The following VWA5B2 variants were observed in gnomAD, a reference collection of about 807,000 sequenced individuals.
VWA5B2 encodes the protein von Willebrand factor A domain-containing protein 5B2.
VWA5B2 carries 93 observed loss-of-function variants against 118.5 expected under a neutral mutation model. The ratio of observed to expected loss-of-function variants is 0.79; its 90% CI spans 0.66 to 0.93. VWA5B2 has a LOEUF of 0.93. Ranked by LOEUF, VWA5B2 falls within the 40% of genes least tolerant of loss-of-function variation. The pLI, the probability that VWA5B2 is intolerant of heterozygous loss-of-function variation, is 0.00. For synonymous variants in VWA5B2, 708 were observed against 716.3 expected (o/e 0.99, Z 0.19); for missense variants, 1,546 against 1,672.8 (o/e 0.92, Z 1.32).
rs79692641 is a variant in VWA5B2, at chr3:184,236,119, C to T, written c.1102-33C>T. On this transcript the variant is annotated intron_variant, in intron 8 of 19. Coordinates refer to ENST00000691901, the MANE Select transcript of VWA5B2 (RefSeq NM_001390846.1). ...TGCTCTGTATCAGGGCCCATGGGGC[C>T]GGCCTCACGCCGCCCTCCCTGGCCC... 4,251 of 1,535,480 alleles carry T rather than the reference C, an allele frequency of 2.8e-3. 108 individuals are homozygous for T. The African/African-American group carries it at 0.052, about 19-fold the overall frequency.
intron 9 of VWA5B2, 34 bp from the exon 10 acceptor site, chr3:184,236,309 C>CT: frequency 6.4e-7 from 1 of 1,551,020 alleles, no homozygotes; most frequent in Non-Finnish European, 8.7e-7. Flanking sequence ...AGGTTTCAGC[C>CT]CAGTGCGTCC....
rs1033308397 is a variant in VWA5B2, at chr3:184,233,217, T to C, written c.350T>C (p.Leu117Ser). Reference sequence around the variant, plus strand: ...GATCTGGCCCAGGCCCGGTCCACGTTGGTGCTGCCCACAGGCATTATCGCC... The same window carrying C: ...GATCTGGCCCAGGCCCGGTCCACGTCGGTGCTGCCCACAGGCATTATCGCC... ...VLDLAQARST[L>S]VLPTGIIAAA... is the part of the protein sequence containing the mutation. The change falls in exon 4 of 20, where the codon TTG (leucine) becomes TCG (serine). Residue 117 changes from leucine to serine, a missense_variant. Transcript: ENST00000691901. The surrounding 1 kb of genome is among the most constrained non-coding windows in gnomAD (Gnocchi z 5.2). The C allele has an allele frequency of 5.2e-6, 8 of 1,550,858 alleles. No individual in the cohort carries two copies. Among genetic ancestry groups the C allele is most frequent in the Non-Finnish European group, 7.0e-6 (8 of 1,146,892 alleles).
intron 16 of VWA5B2, 103 bp downstream of exon 16, chr3:184,240,139 C>A: frequency 2.2e-6 from 2 of 926,872 alleles, no homozygotes; most frequent in Non-Finnish European, 1.5e-6. Context: ...GCTTTGATCA[C>A]AAAGGATTTG....
At position 184,233,748 on chromosome 3, in the gene VWA5B2, C is replaced by G; in HGVS notation, c.688+15C>G. ...CCTGCTTGCAGGTGGGTGCATCTGG[C>G]TGGCCTGCCCTCTTTTCAGATGCCC... On this transcript the variant is annotated intron_variant, in intron 5 of 19. Coordinates refer to ENST00000691901, the MANE Select transcript of VWA5B2 (RefSeq NM_001390846.1). The surrounding 1 kb of genome is among the most constrained non-coding windows in gnomAD (Gnocchi z 5.2). 6.5e-7 allele frequency: 1 copy of G among 1,548,828 alleles called. No homozygotes were observed. The highest frequency in any genetic ancestry group is 8.7e-7 in the Non-Finnish European group (1 of 1,146,428).
rs1312184458 is a variant in VWA5B2, at chr3:184,236,643, T to A, written c.1427T>A (p.Phe476Tyr). ...MRWHRGTARCFSFGLGPTCHQ... is the reference protein window; with the variant it reads ...MRWHRGTARCYSFGLGPTCHQ... ...TGCTTCCTTTCCTTCATCAGATGCTTCTCCTTTGGGCTGGGGCCCACCTGC... is the reference window on the plus strand; with the variant it reads ...TGCTTCCTTTCCTTCATCAGATGCTACTCCTTTGGGCTGGGGCCCACCTGC... The change falls in exon 11 of 20, where the codon TTC becomes TAC. Residue 476 changes from phenylalanine (F) to tyrosine (Y), a missense_variant. Transcript: ENST00000691901. 14 of 1,550,878 alleles carry A rather than the reference T, an allele frequency of 9.0e-6. No individual in the cohort carries two copies. The South Asian group carries it at 1.7e-4, about 18-fold the overall frequency.
Position 184,239,578 on chromosome 3 carries a change from A to T in VWA5B2, c.2387A>T (p.Asp796Val). Residue 796 changes from aspartate to valine, a missense_variant, in exon 15 of 20, where the codon GAC becomes GTC. Asp to Val is a radical substitution (Grantham distance 152, BLOSUM62 -3). Around this residue, in one of 3 missense-constraint regions of VWA5B2, gnomAD observed 763 missense variants for 766.6 expected, o/e 1.00. Coordinates refer to ENST00000691901, the MANE Select transcript of VWA5B2 (RefSeq NM_001390846.1). This position sits in a 1 kb window ranked among gnomAD's most constrained non-coding sequence, Gnocchi z 5.1. ...PGQQLGQGLD[D>V]SGNLLSPAPM... ...CAACAGTTGGGACAAGGCCTGGATGACTCAGGTAAGTGTTGGATGGGGAGC... is the reference window on the plus strand; with the variant it reads ...CAACAGTTGGGACAAGGCCTGGATGTCTCAGGTAAGTGTTGGATGGGGAGC... The T allele has an allele frequency of 6.6e-7, 1 of 1,519,782 alleles. No homozygotes were observed. Among genetic ancestry groups the T allele is most frequent in the Non-Finnish European group, 8.9e-7 (1 of 1,125,944 alleles). 94.1% of individuals were successfully genotyped at this position (1,519,782 alleles called of 1,614,324 possible).
rs781351154 is a variant in VWA5B2, at chr3:184,236,316, G to A, written c.1213-27G>A. On this transcript the variant is annotated intron_variant, in intron 9 of 19. Transcript: ENST00000691901. ...TTACAGAGAGGTTTCAGCCCAGTGC[G>A]TCCCAGCCTGTGCCTTCTCGCTCCA... The A allele has an allele frequency of 6.4e-5, 99 of 1,549,734 alleles. 1 individual carries two copies. In the South Asian group the frequency reaches 8.0e-4, roughly 12 times the overall value.
Position 184,233,912 on chromosome 3 carries a change from C to CA in VWA5B2, c.688+180dup. On this transcript the variant is annotated intron_variant, in intron 5 of 19. Transcript: ENST00000691901. This position sits in a 1 kb window ranked among gnomAD's most constrained non-coding sequence, Gnocchi z 5.2. ...CCCCTGGTCACCTCTACCCAACACA[C>CA]ACACCCCAATTTTATCAAGGTAATT... Among the ~76,000 whole-genome samples, 1 of 152,332 alleles carries CA rather than the reference C, an allele frequency of 6.6e-6. No homozygotes were observed. Among genetic ancestry groups the CA allele is most frequent in the East Asian group, 1.9e-4 (1 of 5,190 alleles).
rs748140356 is a variant in VWA5B2 at position 184,239,376 on chromosome 3, C to A, written c.2203-18C>A. On this transcript the variant is annotated intron_variant, in intron 14 of 19. Coordinates refer to ENST00000691901, the MANE Select transcript of VWA5B2 (RefSeq NM_001390846.1). This position sits in a 1 kb window ranked among gnomAD's most constrained non-coding sequence, Gnocchi z 5.1. ...GTTCTGCATTCCTTGACCAGTGGCC[C>A]CCATATCTCACATGCAGGTGGGGGC... 14 of 1,521,910 alleles carry A rather than the reference C, an allele frequency of 9.2e-6. No homozygotes were observed. Among genetic ancestry groups the A allele is most frequent in the Non-Finnish European group, 1.2e-5 (14 of 1,128,496 alleles). 94.3% of individuals were successfully genotyped at this position (1,521,910 alleles called of 1,614,324 possible). A position where few individuals can be genotyped will look rare whatever the true frequency, so the allele number is the denominator to read the frequency against.
rs1294194634 is a variant in VWA5B2 at position 184,238,760 on chromosome 3, G to A, written c.2089G>A (p.Gly697Ser). ...CTCACAGGGCCCTGGCTCCCCCGAA[G>A]GTAGTGCTCCCTTGGAGCCCCCTTC... ...PGSQGPGSPE[G>S]SAPLEPPSQQ... Residue 697 changes from glycine to serine, a missense_variant, in exon 14 of 20, where the codon GGT becomes AGT. Gly to Ser is a moderately conservative substitution (Grantham distance 56). This residue lies in a region of VWA5B2 where 763 missense variants were observed against 766.6 expected (regional missense o/e 1.00). Transcript: ENST00000691901. This position sits in a 1 kb window ranked among gnomAD's most constrained non-coding sequence, Gnocchi z 5.0. The A allele has an allele frequency of 6.4e-7, 1 of 1,550,686 alleles. No homozygotes were observed. The highest frequency in any genetic ancestry group is 8.7e-7 in the Non-Finnish European group (1 of 1,146,830).
At chr3:184,235,076 AG>A in intron 7 of VWA5B2, 76 bp from the exon 8 acceptor site, 1 of 1,493,604 alleles carries the variant, frequency 6.7e-7, no homozygotes, top group Non-Finnish European at 9.0e-7. Context: ...AAAAGGCCCC[AG>A]AGCCAGTCCC....
In VWA5B2 at chr3:184,241,788, C is replaced by G. The variant is rs1436148691; in HGVS notation, c.3479C>G (p.Thr1160Ser). The G allele has an allele frequency of 6.7e-7, 1 of 1,494,758 alleles. No homozygotes were observed. Among genetic ancestry groups the G allele is most frequent in the Middle Eastern group, 1.8e-4 (1 of 5,622 alleles). The allele number at this position is 1,494,758 out of a possible 1,614,324, so 92.6% of individuals were successfully genotyped here. The change falls in exon 20 of 20, where the codon ACC (threonine) becomes AGC (serine). Residue 1160 changes from threonine to serine, a missense_variant. Around this residue, in one of 3 missense-constraint regions of VWA5B2, gnomAD observed 763 missense variants for 766.6 expected, o/e 1.00. Coordinates refer to ENST00000691901, the MANE Select transcript of VWA5B2 (RefSeq NM_001390846.1). The surrounding 1 kb of genome is among the most constrained non-coding windows in gnomAD (Gnocchi z 5.1). ...GAGGGGGCGGAAGGGCTGGGCGGCA[C>G]CGACCTGCGGGGCCGGACCTGGGCC... ...ASEGAEGLGG[T>S]DLRGRTWATA...
At chr3:184,232,469 G>A (rs1044369667) in intron 3 of VWA5B2, 4 of 152,114 alleles carry the variant, frequency 2.6e-5, no homozygotes, top group African/African-American at 9.7e-5. Context: ...TTATTGAAAG[G>A]ATGAACAATT....
At position 184,236,511 on chromosome 3, in the gene VWA5B2, C is replaced by G. The variant is rs1002051090; in HGVS notation, c.1381C>G (p.Arg461Gly). The change falls in exon 10 of 20, where the codon CGA (arginine) becomes GGA (glycine). Residue 461 changes from arginine (R) to glycine (G), a missense_variant. This residue lies in a region of VWA5B2 where 775 missense variants were observed against 882.3 expected (regional missense o/e 0.88). Coordinates refer to ENST00000691901, the MANE Select transcript of VWA5B2 (RefSeq NM_001390846.1). The part of the protein sequence containing the change: ...AASPMAATTH[R>G]TLELMRWHRG... ...CTCACCCATGGCCGCCACTACCCAC[C>G]GAACCCTGGAGCTCATGAGGTGGCA... 2.6e-6 allele frequency: 4 copies of G among 1,548,648 alleles called. No individual in the cohort carries two copies. The highest frequency in any genetic ancestry group is 1.7e-4 in the Middle Eastern group (1 of 6,010).
In VWA5B2 at chr3:184,241,961, G is replaced by A. The variant is rs770858574; in HGVS notation, c.3652G>A (p.Gly1218Arg). The A allele has an allele frequency of 2.6e-6, 4 of 1,549,966 alleles. No individual in the cohort carries two copies. In the African/African-American group the frequency reaches 5.5e-5, roughly 21 times the overall value. ...GGCCGCCCTCAAGGCCGCAGCCCGA[G>A]GGCTCTTCCTGCTACTGCGCCACTG... is the stretch of plus-strand genomic sequence containing the variant. ...DLAALKAAAR[G>R]LFLLLRHWDQ... Residue 1218 changes from glycine (G) to arginine (R), a missense_variant, in exon 20 of 20, where the codon GGG becomes AGG. Coordinates refer to ENST00000691901, the MANE Select transcript of VWA5B2 (RefSeq NM_001390846.1). The surrounding 1 kb of genome is among the most constrained non-coding windows in gnomAD (Gnocchi z 5.1).
chr3:184,238,072 CTTTT>C lies in VWA5B2; in HGVS notation c.1720-224_1720-221del. On this transcript the variant is annotated intron_variant, in intron 12 of 19. Coordinates refer to ENST00000691901, the MANE Select transcript of VWA5B2 (RefSeq NM_001390846.1). The surrounding 1 kb of genome is among the most constrained non-coding windows in gnomAD (Gnocchi z 5.0). ...TTGATCATGAGAGCTGCATAACAGACTTTTTTTTTTGCCTGGCTGCCAGGGAGCT... is the reference window on the plus strand; with the variant it reads ...TTGATCATGAGAGCTGCATAACAGACTTTTTTGCCTGGCTGCCAGGGAGCT... 6.7e-6 allele frequency among the ~76,000 whole-genome samples: 1 copy of C among 149,274 alleles called. No homozygotes were observed. The highest frequency in any genetic ancestry group is 2.5e-5 in the African/African-American group (1 of 40,790).
At chr3:184,235,527 G>A (rs868121131) in intron 8 of VWA5B2, among the ~76,000 whole-genome samples, 12 of 152,138 alleles carry the variant, frequency 7.9e-5, no homozygotes, top group African/African-American at 1.7e-4. Context: ...TCATATTCAC[G>A]CACACACATC....
chr3:184,235,334 G>A (rs878934363), intron 8 of VWA5B2, 26 bp downstream of exon 8: 4 of 1,546,600 alleles, frequency 2.6e-6, no homozygotes, highest in Non-Finnish European at 8.7e-7. Context: ...GTGTGGGCAG[G>A]CCTGGGGGTT....
rs1006124086 is a variant in VWA5B2 at position 184,239,958 on chromosome 3, C to G, written c.2662C>G (p.Arg888Gly). 4 of 1,551,020 alleles carry G rather than the reference C, an allele frequency of 2.6e-6. No homozygotes were observed. The highest frequency in any genetic ancestry group is 3.5e-6 in the Non-Finnish European group (4 of 1,146,948). Residue 888 changes from arginine (R) to glycine (G), a missense_variant, in exon 16 of 20, where the codon CGG becomes GGG. This residue lies in a region of VWA5B2 where 763 missense variants were observed against 766.6 expected (regional missense o/e 1.00). Coordinates refer to ENST00000691901, the MANE Select transcript of VWA5B2 (RefSeq NM_001390846.1). This position sits in a 1 kb window ranked among gnomAD's most constrained non-coding sequence, Gnocchi z 5.1. ...AGCTGCTTGGGACCAAGCACTCCAT[C>G]GGCTGACAGCAGCCTCTGTGGTCCG... ...REAAWDQALH[R>G]LTAASVVRDN...
Sources: allele counts gnomAD v4.1 joint callset (sites outside exome capture counted in the v4.1 genomes callset), GRCh38; gene constraint gnomAD v4.1.1; regional missense constraint gnomAD v4.1.1; non-coding constraint Gnocchi (gnomAD v3.1); transcripts MANE v1.5; gene names NCBI Gene and HGNC (gene_info 2026-07-23, HGNC 2026-07-21).